The following SLC26A11 variants were observed in gnomAD, a reference collection of about 807,000 sequenced individuals.
The protein encoded by SLC26A11 is sodium-independent sulfate anion transporter.
A neutral mutation model predicts 62.2 loss-of-function variants in SLC26A11; 58 were observed. The observed-to-expected ratio is 0.93, with a 90% confidence interval of 0.76 to 1.16. The LOEUF is 1.16. Among genes scored for constraint, SLC26A11 ranks in the 50% most tolerant of loss-of-function variants. The probability of loss-of-function intolerance (pLI) is 0.00; values close to 1 mark genes in which losing one functional copy is unlikely to be tolerated. For synonymous variants in SLC26A11, 411 were observed against 368.9 expected (o/e 1.11, Z -1.31); for missense variants, 790 against 794.3 (o/e 0.99, Z 0.06).
At chr17:80,229,942 G>T (rs144026679) in intron 7 of SLC26A11, among the ~76,000 whole-genome samples, 3,388 of 152,134 alleles carry the variant, frequency 0.022, 45 homozygotes, top group Non-Finnish European at 0.037. Context: ...GGTGGCTCAC[G>T]CCTGTAATCC....
In SLC26A11 at chr17:80,251,366, A is replaced by G; in HGVS notation, c.1694A>G (p.Lys565Arg). 6.2e-7 allele frequency: 1 copy of G among 1,614,116 alleles called. No individual in the cohort carries two copies. The highest frequency in any genetic ancestry group is 8.5e-7 in the Non-Finnish European group (1 of 1,179,998). Residue 565 changes from lysine to arginine, a missense_variant, in exon 17 of 18, where the codon AAG becomes AGG. By Grantham distance (26) the Lys-to-Arg change is conservative. Coordinates refer to ENST00000361193, the MANE Select transcript of SLC26A11 (RefSeq NM_001166347.2). ...VLRVLLSADL[K>R]GFQYFSTLEE... ...CGTGTCCTGCTGTCCGCTGACCTGA[A>G]GGGGTTCCAGTACTTCTCTACCCTG...
intron 10 of SLC26A11, among the ~76,000 whole-genome samples, chr17:80,243,458 C>T (rs530517360): frequency 6.6e-6 from 1 of 151,764 alleles, no homozygotes; most frequent in South Asian, 2.1e-4. Context: ...AGTGCAGTGG[C>T]ACGGTCTCGG....
intron 1 of SLC26A11, 52 bp downstream of exon 1, chr17:80,220,548 C>T: frequency 2.5e-6 from 1 of 399,062 alleles, no homozygotes. Flanking sequence ...GCAGGGGGAG[C>T]GGACAGTGGC....
At chr17:80,251,225 C>T (rs1411234027) in intron 16 of SLC26A11, 104 bp from the exon 17 acceptor site, 1 of 1,610,902 alleles carries the variant, frequency 6.2e-7, no homozygotes, top group African/African-American at 1.3e-5. Flanking sequence ...GGAGGTGAAG[C>T]CATACCTCTC....
In SLC26A11 at chr17:80,248,684, C is replaced by T. The variant is rs1567968515; in HGVS notation, c.1522+10C>T. ...AGCCGGGCCCTGGAAGGTGCATGGG[C>T]GGGGGTCAAGGTGGTCTGAGGTCAC... On this transcript the variant is annotated intron_variant, in intron 15 of 17. Transcript: ENST00000361193. 10 of 1,560,082 alleles carry T rather than the reference C, an allele frequency of 6.4e-6. No homozygotes were observed. The highest frequency in any genetic ancestry group is 1.4e-5 in the African/African-American group (1 of 73,664).
At chr17:80,230,335 C>A (rs1447909095) in intron 7 of SLC26A11, among the ~76,000 whole-genome samples, 1 of 151,898 alleles carries the variant, frequency 6.6e-6, no homozygotes, top group Admixed American at 6.6e-5. Flanking sequence ...GGAAGAAAAC[C>A]AGTTTATTAT....
rs2042195455 is a variant in SLC26A11, at chr17:80,221,592, C to T, written c.32C>T (p.Ala11Val). The stretch of plus-strand genomic sequence containing the variant: ...TCTTCGGTGACGGCGCTGGGTCAGG[C>T]CAGGTCCTCTGGCCCCGGGATGGCC... MPSSVTALGQ[A>V]RSSGPGMAPS... The change falls in exon 3 of 18, where the codon GCC becomes GTC. Residue 11 changes from alanine to valine, a missense_variant. Transcript: ENST00000361193. The T allele has an allele frequency of 1.2e-6, 2 of 1,604,668 alleles. No individual in the cohort carries two copies. Among genetic ancestry groups the T allele is most frequent in the African/African-American group, 1.3e-5 (1 of 74,908 alleles).
In SLC26A11 at chr17:80,252,940, C is replaced by T; in HGVS notation, c.*224C>T. 4.2e-6 allele frequency: 2 copies of T among 481,330 alleles called. No individual in the cohort carries two copies. Among genetic ancestry groups the T allele is most frequent in the East Asian group, 3.9e-5 (1 of 25,778 alleles). 29.8% of individuals were successfully genotyped at this position (481,330 alleles called of 1,614,324 possible). ...ACTGGAAAATGACCTCGCTGCTGTTCCCTGGCATGACCCTCTTTGGAAGAG... is the reference window on the plus strand; with the variant it reads ...ACTGGAAAATGACCTCGCTGCTGTTTCCTGGCATGACCCTCTTTGGAAGAG... On this transcript the variant is annotated 3_prime_UTR_variant, in exon 18 of 18. Coordinates refer to ENST00000361193, the MANE Select transcript of SLC26A11 (RefSeq NM_001166347.2). The surrounding 1 kb of genome is among the most constrained non-coding windows in gnomAD (Gnocchi z 5.2).
chr17:80,230,931 C>T (rs984508963), intron 7 of SLC26A11, among the ~76,000 whole-genome samples: 1 of 152,098 alleles, frequency 6.6e-6, no homozygotes, highest in Admixed American at 6.6e-5. Flanking sequence ...CAAGGCCACA[C>T]GACTGGGAAG....
At position 80,241,801 on chromosome 17, in the gene SLC26A11, A is replaced by T; in HGVS notation, c.1016A>T (p.Asn339Ile). 1.2e-6 allele frequency: 2 copies of T among 1,614,166 alleles called. No homozygotes were observed. Among genetic ancestry groups the T allele is most frequent in the Non-Finnish European group, 1.7e-6 (2 of 1,180,034 alleles). The change falls in exon 10 of 18, where the codon AAC (asparagine) becomes ATC (isoleucine). Residue 339 changes from asparagine (N) to isoleucine (I), a missense_variant. Coordinates refer to ENST00000361193, the MANE Select transcript of SLC26A11 (RefSeq NM_001166347.2). The part of the protein sequence containing the change: ...ASQNNYRIDA[N>I]QELLAIGLTN... ...CAGAATAATTACCGCATCGATGCCA[A>T]CCAGGAGCTGCTGGCCATCGGTAAG...
At chr17:80,231,923 A>G (rs1199729013) in intron 7 of SLC26A11, among the ~76,000 whole-genome samples, 1 of 152,192 alleles carries the variant, frequency 6.6e-6, no homozygotes, top group African/African-American at 2.4e-5. Flanking sequence ...ATTGGGTGGA[A>G]TGTTCTGTAA....
In SLC26A11 at chr17:80,248,094, G is replaced by C. The variant is rs2043055638; in HGVS notation, c.1295-36G>C. The C allele has an allele frequency of 1.9e-6, 3 of 1,573,764 alleles. No homozygotes were observed. In the Admixed American group the frequency reaches 5.2e-5, roughly 27 times the overall value. On this transcript the variant is annotated intron_variant, in intron 13 of 17. Coordinates refer to ENST00000361193, the MANE Select transcript of SLC26A11 (RefSeq NM_001166347.2). ...CAGGGCCATGTTGGGGCCTCGGGCA[G>C]CTGCCGGGCATTCCTCAGCTGTGCC... is the stretch of plus-strand genomic sequence containing the variant.
chr17:80,237,256 C>A (rs2144929196), intron 8 of SLC26A11, 153 bp downstream of exon 8: 2 of 1,012,676 alleles, frequency 2.0e-6, no homozygotes, highest in Non-Finnish European at 2.8e-6. Flanking sequence ...ATTAAAGAAT[C>A]CCAGGTTGGA....
chr17:80,224,335 GA>G (rs2042326232), intron 5 of SLC26A11, among the ~76,000 whole-genome samples: 1 of 149,088 alleles, frequency 6.7e-6, no homozygotes, highest in East Asian at 2.0e-4. Context: ...GTATGAGTGA[GA>G]GTGTGAGAGT....
At chr17:80,225,574 A>C in intron 5 of SLC26A11, 2 of 422,800 alleles carry the variant, frequency 4.7e-6, no homozygotes, top group East Asian at 4.4e-5. Flanking sequence ...TTTATGAGAA[A>C]AGTAATTTAG....
At chr17:80,227,690 AG>A (rs1392834883) in intron 6 of SLC26A11, 127 bp from the exon 7 acceptor site, 28 of 1,341,796 alleles carry the variant, frequency 2.1e-5, no homozygotes, top group African/African-American at 4.4e-5. Flanking sequence ...GTCTGGGACC[AG>A]CAGCCTGGGC....
In SLC26A11 at chr17:80,227,945, T is replaced by C. The variant is rs1326867575; in HGVS notation, c.721T>C (p.Trp241Arg). ...PGVRLSRGLV[W>R]AATTARNALV... Reference sequence around the variant, plus strand: ...TGTGCGGCTCAGCCGTGGGCTGGTCTGGGCTGCCACGACAGGTGAGGGGCC... The same window carrying C: ...TGTGCGGCTCAGCCGTGGGCTGGTCCGGGCTGCCACGACAGGTGAGGGGCC... The change falls in exon 7 of 18, where the codon TGG becomes CGG. Residue 241 changes from tryptophan to arginine, a missense_variant. Coordinates refer to ENST00000361193, the MANE Select transcript of SLC26A11 (RefSeq NM_001166347.2). 6.2e-7 allele frequency: 1 copy of C among 1,600,320 alleles called. No individual in the cohort carries two copies.
rs8079641 is a variant in SLC26A11 at position 80,238,621 on chromosome 17, G to T, written c.985+1027G>T. Among the ~76,000 whole-genome samples, 286 of 151,914 alleles carry T rather than the reference G, an allele frequency of 1.9e-3. 1 individual carries two copies. The highest frequency in any genetic ancestry group is 2.3e-3 in the Non-Finnish European group (157 of 67,976). On this transcript the variant is annotated intron_variant, in intron 9 of 17. Coordinates refer to ENST00000361193, the MANE Select transcript of SLC26A11 (RefSeq NM_001166347.2). ...TATTGTCTGTGCGGATGACACCTTC[G>T]TTCTGTCTTGTCACCGTCATTTAGT...
intron 16 of SLC26A11, among the ~76,000 whole-genome samples, chr17:80,251,122 C>T (rs1005257669): frequency 1.3e-5 from 2 of 151,742 alleles, no homozygotes; most frequent in African/African-American, 4.8e-5. Context: ...ATGAGCAAGA[C>T]CCTGTCTCAA....
Sources: gnomAD v4.1 joint callset for allele counts (sites outside exome capture counted in the v4.1 genomes callset) on GRCh38, gnomAD v4.1.1 for gene constraint, Gnocchi (gnomAD v3.1) non-coding constraint, MANE v1.5 for transcripts, NCBI Gene and HGNC (gene_info 2026-07-23, HGNC 2026-07-21) for gene names.